Variants in TMEM132D observed in about 807,000 individuals in gnomAD.
TMEM132D encodes the protein mature OL transmembrane protein.
A neutral mutation model predicts 62.3 loss-of-function variants in TMEM132D; 21 were observed. The observed-to-expected ratio is 0.34, with a 90% CI of 0.24 to 0.49. TMEM132D has a LOEUF of 0.49. Among genes scored for constraint, TMEM132D ranks in the 20% least tolerant of loss-of-function variants. TMEM132D has a pLI of 0.99. For missense variants in TMEM132D, 1,346 were observed against 1,402.8 expected, an observed-to-expected ratio of 0.96 and a Z score of 0.65; for synonymous variants, 621 against 575.6, an observed-to-expected ratio of 1.08 and a Z score of -1.13.
chr12:129,680,014 T>A (rs76547840), intron 2 of TMEM132D, among the ~76,000 whole-genome samples: 2,829 of 152,322 alleles, frequency 0.019, 47 homozygotes, highest in East Asian at 0.066. Flanking sequence ...CCATGCTTTA[T>A]CTTGCAAAAC....
chr12:129,675,606 A>T (rs984231574), intron 2 of TMEM132D, among the ~76,000 whole-genome samples: 1 of 152,236 alleles, frequency 6.6e-6, no homozygotes, highest in African/African-American at 2.4e-5. Flanking sequence ...TCATTCCATG[A>T]TAAGAAGGAA....
In TMEM132D at chr12:129,356,320, C is replaced by G. The variant is rs945024244; in HGVS notation, c.1116-18503G>C. Among the ~76,000 whole-genome samples, 6 of 69,878 alleles carry G rather than the reference C, an allele frequency of 8.6e-5. 1 individual carries two copies. The highest frequency in any genetic ancestry group is 1.8e-4 in the Non-Finnish European group (6 of 34,156). 45.8% of individuals were successfully genotyped at this position (69,878 alleles called of 152,430 possible). ...TACAGGCGCCCGCCACTACGCCCGG[C>G]TAATTTTTTTGTATTTTTAGTAGAG... On this transcript the variant is annotated intron_variant, in intron 3 of 8. Coordinates refer to ENST00000422113, the MANE Select transcript of TMEM132D (RefSeq NM_133448.3).
At chr12:129,512,992 G>A (rs976977889) in intron 3 of TMEM132D, among the ~76,000 whole-genome samples, 3 of 152,152 alleles carry the variant, frequency 2.0e-5, no homozygotes, top group Admixed American at 6.5e-5. Context: ...ATTTCTAGAC[G>A]TATTTTGAAA....
At chr12:129,270,093 A>G (rs796119929) in intron 4 of TMEM132D, among the ~76,000 whole-genome samples, 2 of 152,288 alleles carry the variant, frequency 1.3e-5, no homozygotes, top group African/African-American at 4.8e-5. Flanking sequence ...CAGAGTCTCA[A>G]TTTGTCAAGT....
At chr12:129,900,306 G>C (rs1875308804) in intron 1 of TMEM132D, among the ~76,000 whole-genome samples, 1 of 152,150 alleles carries the variant, frequency 6.6e-6, no homozygotes, top group Non-Finnish European at 1.5e-5. Flanking sequence ...ATATTACCAA[G>C]TATTAAACAT....
intron 5 of TMEM132D, among the ~76,000 whole-genome samples, chr12:129,123,733 G>T (rs903707940): frequency 6.6e-6 from 1 of 152,200 alleles, no homozygotes; most frequent in Non-Finnish European, 1.5e-5. Context: ...CCCCAGTGCG[G>T]ATGGGCCTCA....
intron 3 of TMEM132D, among the ~76,000 whole-genome samples, chr12:129,421,136 A>AT (rs59902748): frequency 0.022 from 3,371 of 151,618 alleles, 104 homozygotes; most frequent in African/African-American, 0.077. Flanking sequence ...GAATTTTCAT[A>AT]TTTTTTGGTA....
chr12:129,443,908 A>G (rs1171509347), intron 3 of TMEM132D, among the ~76,000 whole-genome samples: 1 of 152,158 alleles, frequency 6.6e-6, no homozygotes, highest in East Asian at 1.9e-4. Flanking sequence ...TAGTTTTCTG[A>G]ATTGACAAGG....
intron 2 of TMEM132D, among the ~76,000 whole-genome samples, chr12:129,556,019 T>C (rs7297254): frequency 0.028 from 4,293 of 152,310 alleles, 218 homozygotes; most frequent in African/African-American, 0.098. Flanking sequence ...TTCCGACTTA[T>C]GGTTTTTCCA....
chr12:129,335,201 G>A (rs1252251692), intron 4 of TMEM132D, among the ~76,000 whole-genome samples: 2 of 126,928 alleles, frequency 1.6e-5, no homozygotes, highest in African/African-American at 6.0e-5. Context: ...GTACGTTCTT[G>A]GCTCACTGCA....
At chr12:129,744,546 A>G (rs753819083) in intron 1 of TMEM132D, among the ~76,000 whole-genome samples, 16 of 152,198 alleles carry the variant, frequency 1.1e-4, no homozygotes, top group Non-Finnish European at 1.9e-4. Context: ...TCACAGTGTC[A>G]TCAAGCTCTC....
At chr12:129,636,139 C>T (rs942203960) in intron 2 of TMEM132D, among the ~76,000 whole-genome samples, 3 of 152,126 alleles carry the variant, frequency 2.0e-5, no homozygotes, top group Admixed American at 2.0e-4. Flanking sequence ...CAATAGATGG[C>T]AAATATTTCC....
intron 3 of TMEM132D, among the ~76,000 whole-genome samples, chr12:129,465,716 T>C (rs1313540837): frequency 6.6e-6 from 1 of 152,330 alleles, no homozygotes; most frequent in South Asian, 2.1e-4. Flanking sequence ...ACAGTCTTGC[T>C]CTGTCACCCA....
Position 129,716,410 on chromosome 12 carries a change from T to C in TMEM132D, c.80-15712A>G, listed in dbSNP as rs559556885. 3.3e-5 allele frequency among the ~76,000 whole-genome samples: 5 copies of C among 152,272 alleles called. No individual in the cohort carries two copies. The East Asian group carries it at 7.7e-4, about 24-fold the overall frequency. On this transcript the variant is annotated intron_variant, in intron 1 of 8. Coordinates refer to ENST00000422113, the MANE Select transcript of TMEM132D (RefSeq NM_133448.3). Reference sequence around the variant, plus strand: ...TCAAGAGAACACGTGGGAACGCCTGTGAGGGTCAGGGCAACTCTCTCTGAA... The same window carrying C: ...TCAAGAGAACACGTGGGAACGCCTGCGAGGGTCAGGGCAACTCTCTCTGAA...
At chr12:129,205,799 A>T (rs971438135) in intron 5 of TMEM132D, among the ~76,000 whole-genome samples, 2 of 152,166 alleles carry the variant, frequency 1.3e-5, no homozygotes, top group East Asian at 3.8e-4. Flanking sequence ...AAAAAAAAAA[A>T]TTGAAACCAT....
chr12:129,539,610 C>T (rs1473453), intron 2 of TMEM132D, among the ~76,000 whole-genome samples: 26,752 of 149,070 alleles, frequency 0.18, 2,788 homozygotes, highest in Non-Finnish European at 0.24. Context: ...CGGGATTTCA[C>T]CATGTTGCCC....
intron 3 of TMEM132D, among the ~76,000 whole-genome samples, chr12:129,472,726 A>T (rs553397798): frequency 6.6e-6 from 1 of 152,352 alleles, no homozygotes; most frequent in Non-Finnish European, 1.5e-5. Context: ...AGTTGATAAA[A>T]CAACAGGTTT....
chr12:129,165,333 T>G (rs776481968), intron 5 of TMEM132D, among the ~76,000 whole-genome samples: 24 of 152,316 alleles, frequency 1.6e-4, no homozygotes, highest in Middle Eastern at 3.4e-3. Flanking sequence ...TGGGCACTCT[T>G]AAGATTTGTG....
At chr12:129,580,812 A>C (rs564443113) in intron 2 of TMEM132D, among the ~76,000 whole-genome samples, 1 of 152,324 alleles carries the variant, frequency 6.6e-6, no homozygotes, top group Middle Eastern at 3.4e-3. Context: ...GACATAGTTC[A>C]TCACTGATAT....
Sources: gnomAD v4.1 joint callset for allele counts (sites outside exome capture counted in the v4.1 genomes callset) on GRCh38, gnomAD v4.1.1 for gene constraint, MANE v1.5 for transcripts, NCBI Gene and HGNC (gene_info 2026-07-23, HGNC 2026-07-21) for gene names.